NOVA2: variants seen among roughly 807,000 people sequenced by gnomAD.
The protein encoded by NOVA2 is RNA-binding protein Nova-2.
NOVA2 carries 9 observed loss-of-function variants against 22.5 expected under a neutral mutation model. The ratio of observed to expected loss-of-function variants is 0.40; its 90% confidence interval spans 0.24 to 0.70. The LOEUF (loss-of-function observed/expected upper bound fraction) is 0.70. Among genes scored for constraint, NOVA2 ranks in the 30% least tolerant of loss-of-function variants. The pLI, the probability that NOVA2 is intolerant of heterozygous loss-of-function variation, is 0.38. For missense variants in NOVA2, 383 were observed against 682.8 expected (o/e 0.56, Z 4.89); for synonymous variants, 318 against 335.2 (o/e 0.95, Z 0.56).
Position 45,962,045 on chromosome 19 carries a change from A to G in NOVA2, c.86-892T>C, listed in dbSNP as rs572910767. Among the ~76,000 whole-genome samples the G allele has an allele frequency of 2.6e-5, 4 of 152,248 alleles. No individual in the cohort carries two copies. In the East Asian group the frequency reaches 7.7e-4, roughly 29 times the overall value. ...AGTGAGGTCCTTAACTTTTACCCCA[A>G]GTGAGATGGAGCCATGGGAGGGATG... is the stretch of plus-strand genomic sequence containing the variant. On this transcript the variant is annotated intron_variant, in intron 1 of 3. Coordinates refer to ENST00000263257, the MANE Select transcript of NOVA2 (RefSeq NM_002516.4).
At position 45,933,799 on chromosome 19, in the gene NOVA2, G is replaced by C. The variant is rs1011362361; in HGVS notation, c.*6064C>G. The C allele has an allele frequency of 7.9e-5, 12 of 151,444 alleles. No individual in the cohort carries two copies. The highest frequency in any genetic ancestry group is 2.9e-4 in the African/African-American group (12 of 41,186). 9.4% of individuals were successfully genotyped at this position (151,444 alleles called of 1,614,324 possible). On this transcript the variant is annotated 3_prime_UTR_variant, in exon 4 of 4. Transcript: ENST00000263257. Reference sequence around the variant, plus strand: ...GCCGAGGGGAAAGGGGTGGGGAAAGGGGGTGTGGTGGGGGCTGGGGTGGGG... The same window carrying C: ...GCCGAGGGGAAAGGGGTGGGGAAAGCGGGTGTGGTGGGGGCTGGGGTGGGG...
rs377525179 is a variant in NOVA2, at chr19:45,941,081, G to T, written c.397-136C>A. 933 of 817,866 alleles carry T rather than the reference G, an allele frequency of 1.1e-3. 20 individuals carry two copies. The South Asian group carries it at 0.017, about 15-fold the overall frequency. The allele number at this position is 817,866 out of a possible 1,614,324, so 50.7% of individuals were successfully genotyped here. A position where few individuals can be genotyped will look rare whatever the true frequency, so the allele number is the denominator to read the frequency against. On this transcript the variant is annotated intron_variant, in intron 3 of 3. Coordinates refer to ENST00000263257, the MANE Select transcript of NOVA2 (RefSeq NM_002516.4). ...GAGGCAGGCAGATTACTTGAGGTCA[G>T]GAGTTCCAGACTAGCCTGGCCAACA...
intron 2 of NOVA2, among the ~76,000 whole-genome samples, chr19:45,956,009 C>T (rs188919894): frequency 6.6e-6 from 1 of 152,234 alleles, no homozygotes; most frequent in Non-Finnish European, 1.5e-5. Flanking sequence ...ACGACCCTGA[C>T]TCCTCAATTG....
At chr19:45,960,414 A>G (rs1222347325) in intron 2 of NOVA2, among the ~76,000 whole-genome samples, 1 of 151,758 alleles carries the variant, frequency 6.6e-6, no homozygotes, top group East Asian at 1.9e-4. Context: ...CAGGGAAAGC[A>G]GAGGACAGAT....
At chr19:45,969,509 G>GAA (rs397946088) in intron 1 of NOVA2, among the ~76,000 whole-genome samples, 1,445 of 40,556 alleles carry the variant, frequency 0.036, 229 homozygotes, top group African/African-American at 0.082. Context: ...CCCTGTCTCA[G>GAA]AAAAAAAAAA....
chr19:45,961,487 T>C (rs1719217766), intron 1 of NOVA2, among the ~76,000 whole-genome samples: 1 of 151,146 alleles, frequency 6.6e-6, no homozygotes, highest in Non-Finnish European at 1.5e-5. Flanking sequence ...GTATATTTCA[T>C]GTCAGATGGT....
intron 3 of NOVA2, among the ~76,000 whole-genome samples, chr19:45,953,535 G>A (rs529649587): frequency 1.0e-3 from 153 of 152,290 alleles, no homozygotes; most frequent in African/African-American, 3.6e-3. Context: ...AGGGAATCAT[G>A]CCACATTCTC....
intron 3 of NOVA2, among the ~76,000 whole-genome samples, chr19:45,949,124 G>T (rs139888068): frequency 6.6e-6 from 1 of 152,020 alleles, no homozygotes; most frequent in African/African-American, 2.4e-5. Context: ...GCTGGAAGAC[G>T]TTGAGACTGG....
chr19:45,937,484 T>TG lies in NOVA2; in HGVS notation c.*2378dup, dbSNP rs1389860061. On this transcript the variant is annotated 3_prime_UTR_variant, in exon 4 of 4. Coordinates refer to ENST00000263257, the MANE Select transcript of NOVA2 (RefSeq NM_002516.4). Reference sequence around the variant, plus strand: ...TACTCGCGTGCGGGTAGAGATACTGTGAAATACTGTAAGGTCTTTTGAGAG... The same window carrying TG: ...TACTCGCGTGCGGGTAGAGATACTGTGGAAATACTGTAAGGTCTTTTGAGAG... The TG allele has an allele frequency of 6.6e-6, 1 of 152,170 alleles. No individual in the cohort carries two copies. Among genetic ancestry groups the TG allele is most frequent in the African/African-American group, 2.4e-5 (1 of 41,402 alleles). 9.4% of individuals were successfully genotyped at this position (152,170 alleles called of 1,614,324 possible).
At position 45,973,384 on chromosome 19, in the gene NOVA2, G is replaced by C; in HGVS notation, c.-33C>G. 1 of 620,904 alleles carries C rather than the reference G, an allele frequency of 1.6e-6. No individual in the cohort carries two copies. The highest frequency in any genetic ancestry group is 2.2e-6 in the Non-Finnish European group (1 of 457,888). The allele number at this position is 620,904 out of a possible 1,614,324, so 38.5% of individuals were successfully genotyped here. A position where few individuals can be genotyped will look rare whatever the true frequency, so the allele number is the denominator to read the frequency against. ...GCCTGGGGCGGCGGCTGCTGCTGCTGCGGCGGCTGCGGCGGCGGCGGCGGC... is the reference window on the plus strand; with the variant it reads ...GCCTGGGGCGGCGGCTGCTGCTGCTCCGGCGGCTGCGGCGGCGGCGGCGGC... On this transcript the variant is annotated 5_prime_UTR_variant, in exon 1 of 4. Transcript: ENST00000263257.
chr19:45,969,576 C>T (rs56037797), intron 1 of NOVA2, among the ~76,000 whole-genome samples: 249 of 141,694 alleles, frequency 1.8e-3, no homozygotes, highest in Non-Finnish European at 3.0e-3. Context: ...GTGTAAGCTA[C>T]GTTGAGGGTG....
In NOVA2 at chr19:45,958,372, TGA is replaced by T. The variant is rs891937931; in HGVS notation, c.229+2636_229+2637del. On this transcript the variant is annotated intron_variant, in intron 2 of 3. Transcript: ENST00000263257. ...CAAGTGCTGTGTGTGTGTGTGTGTG[TGA>T]GAGTGTGTGTGTGTGGGAGCATGTG... Among the ~76,000 whole-genome samples, 18 of 144,660 alleles carry T rather than the reference TGA, an allele frequency of 1.2e-4. No individual in the cohort carries two copies. The East Asian group carries it at 2.7e-3, about 21-fold the overall frequency. 94.9% of individuals were successfully genotyped at this position (144,660 alleles called of 152,430 possible).
rs976853 is a variant in NOVA2 at position 45,947,303 on chromosome 19, G to A, written c.397-6358C>T. Reference sequence around the variant, plus strand: ...ACGGATGAAGACTGAAGGATGACACGCCCACAGGCCCAAGCAGGAAGGCGA... The same window carrying A: ...ACGGATGAAGACTGAAGGATGACACACCCACAGGCCCAAGCAGGAAGGCGA... On this transcript the variant is annotated intron_variant, in intron 3 of 3. Transcript: ENST00000263257. Among the ~76,000 whole-genome samples, 359 of 152,028 alleles carry A rather than the reference G, an allele frequency of 2.4e-3. 14 individuals are homozygous for A. In the East Asian group the frequency reaches 0.06, roughly 25 times the overall value.
intron 3 of NOVA2, among the ~76,000 whole-genome samples, chr19:45,943,441 C>T (rs1047833305): frequency 1.3e-5 from 2 of 150,590 alleles, no homozygotes; most frequent in South Asian, 2.1e-4. Context: ...CGTCTGGGCA[C>T]GGTGGCTCAC....
At chr19:45,960,662 C>T (rs1200251229) in intron 2 of NOVA2, among the ~76,000 whole-genome samples, 5 of 152,046 alleles carry the variant, frequency 3.3e-5, no homozygotes, top group Admixed American at 6.5e-5. Context: ...GCTGGCTGGC[C>T]CCCAAGCCCG....
Position 45,938,143 on chromosome 19 carries a change from G to C in NOVA2, c.*1720C>G, listed in dbSNP as rs572604677. 1 of 152,292 alleles carries C rather than the reference G, an allele frequency of 6.6e-6. No homozygotes were observed. The highest frequency in any genetic ancestry group is 1.9e-4 in the East Asian group (1 of 5,164). 9.4% of individuals were successfully genotyped at this position (152,292 alleles called of 1,614,324 possible). A position where few individuals can be genotyped will look rare whatever the true frequency, so the allele number is the denominator to read the frequency against. ...CTCCAAGGAAGAGAGGGAGATGGGT[G>C]GGGGTAGAGGGAGGTCTCAGCTATC... On this transcript the variant is annotated 3_prime_UTR_variant, in exon 4 of 4. Coordinates refer to ENST00000263257, the MANE Select transcript of NOVA2 (RefSeq NM_002516.4).
At chr19:45,956,843 A>C (rs1968013254) in intron 2 of NOVA2, among the ~76,000 whole-genome samples, 1 of 152,164 alleles carries the variant, frequency 6.6e-6, no homozygotes, top group Non-Finnish European at 1.5e-5. Flanking sequence ...ACGCCGAGGC[A>C]CAGAGAGGGC....
chr19:45,940,456 G>T lies in NOVA2; in HGVS notation c.886C>A (p.Leu296Met). The T allele has an allele frequency of 6.5e-7, 1 of 1,531,304 alleles. No homozygotes were observed. Among genetic ancestry groups the T allele is most frequent in the Non-Finnish European group, 8.8e-7 (1 of 1,139,498 alleles). The allele number at this position is 1,531,304 out of a possible 1,614,324, so 94.9% of individuals were successfully genotyped here. ...LASYGYNTNS[L>M]GLGLNSAAAS... ...GCGGCCGAGTTGAGGCCCAGGCCCA[G>T]GGAGTTGGTGTTGTAGCCGTAACTT... The change falls in exon 4 of 4, where the codon CTG (leucine) becomes ATG (methionine). Residue 296 changes from leucine (L) to methionine (M), a missense_variant. Coordinates refer to ENST00000263257, the MANE Select transcript of NOVA2 (RefSeq NM_002516.4).
At chr19:45,962,948 T>C (rs4803875) in intron 1 of NOVA2, among the ~76,000 whole-genome samples, 8,627 of 151,184 alleles carry the variant, frequency 0.057, 602 homozygotes, top group East Asian at 0.17. Flanking sequence ...GCACCTTGCT[T>C]ATTATAAACC....
Sources: allele counts gnomAD v4.1 joint callset (sites outside exome capture counted in the v4.1 genomes callset), GRCh38; gene constraint gnomAD v4.1.1; transcripts MANE v1.5; gene names NCBI Gene and HGNC (gene_info 2026-07-23, HGNC 2026-07-21).